The following RAB40A variants were observed in gnomAD, a reference collection of about 807,000 sequenced individuals.
RAB40A encodes ras-related protein Rab-40A.
For synonymous variants in RAB40A, 65 were observed against 99.9 expected (o/e 0.65, Z 2.08); for missense variants, 145 against 230.2 (o/e 0.63, Z 2.40).
Position 103,499,129 on chromosome X carries a change from CT to C in RAB40A, c.*793del, listed in dbSNP as rs1182643481. ...GTTTTACCAAAGAGAAAAATATATACTTTTTTACTGTTAAGAAACATTTTCT... is the reference window on the plus strand; with the variant it reads ...GTTTTACCAAAGAGAAAAATATATACTTTTTACTGTTAAGAAACATTTTCT... On this transcript the variant is annotated 3_prime_UTR_variant, in exon 3 of 3. Transcript: ENST00000304236. 4.3e-5 allele frequency: 5 copies of C among 115,172 alleles called. No individual in the cohort carries two copies. The highest frequency in any genetic ancestry group is 1.6e-4 in the African/African-American group (5 of 30,988). The allele number at this position is 115,172 out of a possible 1,213,427, so 9.5% of individuals were successfully genotyped here.
At chrX:103,513,917 C>G (rs1199695138) in intron 2 of RAB40A, among the ~76,000 whole-genome samples, 1 of 111,063 alleles carries the variant, frequency 9.0e-6, no homozygotes, top group African/African-American at 3.3e-5. Context: ...CACACACACA[C>G]AGACACATTG....
chrX:103,514,646 C>G (rs900742359), intron 2 of RAB40A, among the ~76,000 whole-genome samples: 2 of 111,980 alleles, frequency 1.8e-5, no homozygotes, highest in Admixed American at 1.9e-4. Context: ...CCACTGCACC[C>G]AGCCCAGACT....
downstream of RAB40A, among the ~76,000 whole-genome samples, chrX:103,498,709 G>T (rs2073200875): frequency 8.9e-6 from 1 of 112,293 alleles, no homozygotes. Context: ...GCTCCGTGAG[G>T]CCAGAGATAC....
the RAB40A span, among the ~76,000 whole-genome samples, chrX:103,493,750 C>A: frequency 8.9e-6 from 1 of 112,142 alleles, no homozygotes; most frequent in Non-Finnish European, 1.9e-5. Flanking sequence ...CATGTTTTTG[C>A]AAATGACTGA....
At chrX:103,510,576 C>A (rs148247590) in intron 2 of RAB40A, among the ~76,000 whole-genome samples, 2,686 of 111,843 alleles carry the variant, frequency 0.024, 79 homozygotes, top group African/African-American at 0.083. Context: ...TAAATGCATG[C>A]AGTTCTGCTT....
intron 2 of RAB40A, among the ~76,000 whole-genome samples, chrX:103,508,340 T>C (rs1357467721): frequency 8.9e-6 from 1 of 111,859 alleles, no homozygotes; most frequent in Non-Finnish European, 1.9e-5. Flanking sequence ...GGATGGGACC[T>C]CATTCCAATC....
At chrX:103,495,483 G>A (rs1268560617), downstream of RAB40A, among the ~76,000 whole-genome samples, 1 of 110,908 alleles carries the variant, frequency 9.0e-6, no homozygotes, top group African/African-American at 3.3e-5. Context: ...TACCCATCCT[G>A]CTTGAATGCA....
chrX:103,517,788 A>T (rs2073323661), intron 1 of RAB40A, among the ~76,000 whole-genome samples: 1 of 111,977 alleles, frequency 8.9e-6, no homozygotes, highest in South Asian at 3.7e-4. Context: ...AATAAGACAG[A>T]TGTCCACCAA....
At chrX:103,518,269 T>C (rs1443370582) in intron 1 of RAB40A, among the ~76,000 whole-genome samples, 1 of 111,499 alleles carries the variant, frequency 9.0e-6, no homozygotes, top group Non-Finnish European at 1.9e-5. Context: ...TAAAAAATCA[T>C]TACCTATAAA....
downstream of RAB40A, among the ~76,000 whole-genome samples, chrX:103,497,158 A>C (rs746537488): frequency 8.0e-5 from 9 of 111,956 alleles, no homozygotes; most frequent in Non-Finnish European, 1.7e-4. Flanking sequence ...ATTATGTTTT[A>C]AAATTATCAA....
chrX:103,512,823 T>C (rs1437237906), intron 2 of RAB40A, among the ~76,000 whole-genome samples: 2 of 112,202 alleles, frequency 1.8e-5, no homozygotes, highest in African/African-American at 6.5e-5. Context: ...ACAGTGCTTA[T>C]CCATGCATAA....
chrX:103,510,670 T>C (rs150749586), intron 2 of RAB40A, among the ~76,000 whole-genome samples: 1,534 of 112,845 alleles, frequency 0.014, 23 homozygotes, highest in African/African-American at 0.047. Context: ...TTGAGTGTTC[T>C]GTTTGGGAGT....
At chrX:103,506,299 C>T (rs1033185974) in intron 2 of RAB40A, among the ~76,000 whole-genome samples, 4 of 110,948 alleles carry the variant, frequency 3.6e-5, no homozygotes, top group African/African-American at 1.3e-4. Context: ...CCCACCTCCC[C>T]CTTCTGAGTT....
intron 2 of RAB40A, among the ~76,000 whole-genome samples, chrX:103,514,077 T>C (rs1250122270): frequency 8.9e-6 from 1 of 111,816 alleles, no homozygotes; most frequent in Admixed American, 9.5e-5. Context: ...TCTGGTTTAG[T>C]AGCTCTGAAA....
chrX:103,502,482 C>T (rs1488772745), intron 2 of RAB40A: 1 of 125,452 alleles, frequency 8.0e-6, no homozygotes, highest in Non-Finnish European at 1.8e-5. Flanking sequence ...TGTCCCAAGG[C>T]CAACACCTAA....
chrX:103,508,753 A>G (rs774797095), intron 2 of RAB40A, among the ~76,000 whole-genome samples: 1 of 111,981 alleles, frequency 8.9e-6, no homozygotes, highest in Non-Finnish European at 1.9e-5. Flanking sequence ...CCACTTCCCC[A>G]TGGTGGTAAG....
chrX:103,512,908 G>T (rs1417338969), intron 2 of RAB40A, among the ~76,000 whole-genome samples: 1 of 111,171 alleles, frequency 9.0e-6, no homozygotes, highest in Non-Finnish European at 1.9e-5. Context: ...AAAGTGTCTT[G>T]GTTTTGGAAG....
intron 2 of RAB40A, among the ~76,000 whole-genome samples, chrX:103,512,944 C>T (rs1334292254): frequency 9.0e-6 from 1 of 111,201 alleles, no homozygotes; most frequent in Non-Finnish European, 1.9e-5. Flanking sequence ...AAACAAAATA[C>T]CCCTGCCCTT....
At chrX:103,497,347 A>AGATG (rs201929979), downstream of RAB40A, among the ~76,000 whole-genome samples, 3,078 of 110,534 alleles carry the variant, frequency 0.028, 41 homozygotes, top group Non-Finnish European at 0.037. Flanking sequence ...GGGGATGGAT[A>AGATG]GATGGATGGA....
Sources: gnomAD v4.1 joint callset for allele counts (sites outside exome capture counted in the v4.1 genomes callset) on GRCh38, gnomAD v4.1.1 for gene constraint, MANE v1.5 for transcripts, NCBI Gene and HGNC (gene_info 2026-07-23, HGNC 2026-07-21) for gene names.